The following CNTNAP5 variants were observed in gnomAD, a reference collection of about 807,000 sequenced individuals.
The protein encoded by CNTNAP5 is contactin associated protein family member 5.
CNTNAP5 carries 72 observed loss-of-function variants against 150.2 expected under a neutral mutation model. The observed-to-expected ratio is 0.48, with a 90% CI of 0.40 to 0.58. The LOEUF (loss-of-function observed/expected upper bound fraction) is 0.58. Ranked by LOEUF, CNTNAP5 falls within the 20% of genes least tolerant of loss-of-function variation. The probability of loss-of-function intolerance (pLI) is 0.00; values close to 1 mark genes in which losing one functional copy is unlikely to be tolerated. For missense variants in CNTNAP5, 1,636 were observed against 1,626.2 expected (o/e 1.01, Z -0.10); for synonymous variants, 672 against 619.8 (o/e 1.08, Z -1.25).
intron 1 of CNTNAP5, among the ~76,000 whole-genome samples, chr2:124,087,108 C>T (rs1573744300): frequency 6.6e-6 from 1 of 151,772 alleles, no homozygotes; most frequent in Middle Eastern, 3.4e-3. Context: ...TTATCCTTCG[C>T]CTTTGGTCAT....
chr2:124,186,142 T>A lies in CNTNAP5; in HGVS notation c.83-35563T>A, dbSNP rs76250260. On this transcript the variant is annotated intron_variant, in intron 1 of 23. Coordinates refer to ENST00000682447, the MANE Select transcript of CNTNAP5 (RefSeq NM_001367498.1). The stretch of plus-strand genomic sequence containing the variant: ...ATGAGAATTTGAAATTTTAACAAGG[T>A]CCCCAGGTGATGCTGATTGTGTTTA... Among the ~76,000 whole-genome samples the A allele has an allele frequency of 6.4e-3, 972 of 152,278 alleles. 15 individuals carry two copies. The highest frequency in any genetic ancestry group is 0.021 in the African/African-American group (871 of 41,548).
intron 13 of CNTNAP5, among the ~76,000 whole-genome samples, chr2:124,672,190 C>T (rs1212526046): frequency 6.6e-6 from 1 of 152,074 alleles, no homozygotes; most frequent in Non-Finnish European, 1.5e-5. Flanking sequence ...CATGACCTAC[C>T]CTCTGTGTGT....
chr2:124,327,002 A>C (rs1385786368), intron 3 of CNTNAP5, among the ~76,000 whole-genome samples: 8 of 105,184 alleles, frequency 7.6e-5, no homozygotes, highest in Non-Finnish European at 1.3e-4. Context: ...TTTTTTTGAG[A>C]TAGAGTCTCA....
chr2:124,912,637 T>C (rs1406774404), intron 23 of CNTNAP5, among the ~76,000 whole-genome samples: 1 of 152,086 alleles, frequency 6.6e-6, no homozygotes, highest in Non-Finnish European at 1.5e-5. Flanking sequence ...CATAGAGAAA[T>C]GTGGGAAAGA....
chr2:124,603,690 A>T (rs2104976852), intron 11 of CNTNAP5, among the ~76,000 whole-genome samples: 1 of 152,282 alleles, frequency 6.6e-6, no homozygotes, highest in East Asian at 1.9e-4. Context: ...TCAGGACATG[A>T]CTTCATTCTC....
chr2:124,902,816 G>C, intron 21 of CNTNAP5, 66 bp from the exon 22 acceptor site: 1 of 1,097,638 alleles, frequency 9.1e-7, no homozygotes, highest in African/African-American at 1.6e-5. Flanking sequence ...ACTCAAAGAG[G>C]ACCCAGCATA....
chr2:124,899,940 A>T (rs1678381370), intron 21 of CNTNAP5, among the ~76,000 whole-genome samples: 1 of 151,354 alleles, frequency 6.6e-6, no homozygotes, highest in Non-Finnish European at 1.5e-5. Context: ...TTTTTTAGAT[A>T]ATTTATGTAA....
rs370057725 is a variant in CNTNAP5 at position 124,538,531 on chromosome 2, GGAAA to G, written c.1649+11090_1649+11093del. Among the ~76,000 whole-genome samples the G allele has an allele frequency of 7.8e-3, 824 of 105,672 alleles. 1 individual carries two copies. Among genetic ancestry groups the G allele is most frequent in the African/African-American group, 0.024 (668 of 28,156 alleles). 69.3% of individuals were successfully genotyped at this position (105,672 alleles called of 152,430 possible). On this transcript the variant is annotated intron_variant, in intron 10 of 23. Transcript: ENST00000682447. ...ACTCTGTCAGAAAAGAAAGAAAGAA[GGAAA>G]GAAAGAAAGAAAGAGAGAAAGAAAG...
intron 1 of CNTNAP5, among the ~76,000 whole-genome samples, chr2:124,184,082 T>A (rs571231650): frequency 6.6e-6 from 1 of 152,022 alleles, no homozygotes; most frequent in Non-Finnish European, 1.5e-5. Context: ...TGGTAGAGTA[T>A]TGGGGAGTTC....
chr2:124,254,690 G>T (rs1687265460), intron 3 of CNTNAP5, among the ~76,000 whole-genome samples: 1 of 152,212 alleles, frequency 6.6e-6, no homozygotes, highest in Non-Finnish European at 1.5e-5. Context: ...CTTGGTTGAT[G>T]ATGGGATGCT....
intron 11 of CNTNAP5, among the ~76,000 whole-genome samples, chr2:124,577,198 C>T (rs1179414489): frequency 6.6e-6 from 1 of 152,202 alleles, no homozygotes; most frequent in Non-Finnish European, 1.5e-5. Flanking sequence ...CATCACGTCT[C>T]AGTCGCTTGA....
chr2:124,420,298 T>C (rs559345684), intron 4 of CNTNAP5, among the ~76,000 whole-genome samples: 4 of 152,168 alleles, frequency 2.6e-5, no homozygotes, highest in East Asian at 3.9e-4. Flanking sequence ...TTTGACTCGA[T>C]TGTTTCTATA....
chr2:124,575,000 G>T (rs17011734), intron 11 of CNTNAP5, among the ~76,000 whole-genome samples: 2 of 152,056 alleles, frequency 1.3e-5, no homozygotes, highest in African/African-American at 2.4e-5. Flanking sequence ...ATCAATGGGC[G>T]TGAAATCTCT....
intron 13 of CNTNAP5, among the ~76,000 whole-genome samples, chr2:124,735,949 T>G (rs980150172): frequency 2.0e-5 from 3 of 152,112 alleles, no homozygotes; most frequent in African/African-American, 7.2e-5. Flanking sequence ...AATGACTTTA[T>G]GCTGGGCACG....
At chr2:124,166,816 A>G (rs1246611141) in intron 1 of CNTNAP5, among the ~76,000 whole-genome samples, 2 of 152,194 alleles carry the variant, frequency 1.3e-5, no homozygotes, top group East Asian at 3.9e-4. Context: ...TGCAGAATCC[A>G]AGAAGTCCCC....
intron 14 of CNTNAP5, among the ~76,000 whole-genome samples, chr2:124,754,192 G>A (rs2105153602): frequency 6.6e-6 from 1 of 152,260 alleles, no homozygotes; most frequent in Non-Finnish European, 1.5e-5. Context: ...TTGAGAAGGG[G>A]CCCCAATCCT....
intron 11 of CNTNAP5, among the ~76,000 whole-genome samples, chr2:124,565,958 T>A (rs1410594872): frequency 6.6e-6 from 1 of 151,614 alleles, no homozygotes; most frequent in East Asian, 1.9e-4. Context: ...GATCCTTTTT[T>A]TTTTTTTGCA....
chr2:124,326,745 C>T (rs560588646), intron 3 of CNTNAP5, among the ~76,000 whole-genome samples: 4 of 151,804 alleles, frequency 2.6e-5, no homozygotes, highest in East Asian at 2.0e-4. Flanking sequence ...GGCAACATGG[C>T]GAACCCCCAT....
chr2:124,171,716 C>T (rs1558785528), intron 1 of CNTNAP5, among the ~76,000 whole-genome samples: 1 of 151,976 alleles, frequency 6.6e-6, no homozygotes, highest in Admixed American at 6.6e-5. Flanking sequence ...AAAGGCCAAG[C>T]TTTTTTTTGT....
Sources: allele counts gnomAD v4.1 joint callset (sites outside exome capture counted in the v4.1 genomes callset), GRCh38; gene constraint gnomAD v4.1.1; transcripts MANE v1.5; gene names NCBI Gene and HGNC (gene_info 2026-07-23, HGNC 2026-07-21).